Variants in RUFY4 observed in about 807,000 individuals in gnomAD.
RUFY4 encodes the protein RUN and FYVE domain containing 4.
A neutral mutation model predicts 69.0 loss-of-function variants in RUFY4; 73 were observed. The observed-to-expected ratio is 1.06, with a 90% CI of 0.88 to 1.29. RUFY4 has a LOEUF of 1.29. Among genes scored for constraint, RUFY4 ranks in the 50% most tolerant of loss-of-function variants. The pLI, the probability that RUFY4 is intolerant of heterozygous loss-of-function variation, is 0.00. For synonymous variants in RUFY4, 287 were observed against 271.8 expected (o/e 1.06, Z -0.55); for missense variants, 770 against 705.6 (o/e 1.09, Z -1.03).
upstream of RUFY4, among the ~76,000 whole-genome samples, chr2:218,064,906 T>C (rs766224741): frequency 2.0e-5 from 3 of 149,906 alleles, no homozygotes; most frequent in Admixed American, 6.6e-5. Flanking sequence ...GAGCCCAGCC[T>C]TGAAGCACAG....
intron 2 of RUFY4, among the ~76,000 whole-genome samples, chr2:218,043,565 G>A (rs557038105): frequency 1.9e-4 from 29 of 152,212 alleles, no homozygotes; most frequent in African/African-American, 7.0e-4. Flanking sequence ...CCCAGAGAGG[G>A]TAGCTCCTTT....
chr2:218,073,156 T>C (rs957248515), intron 4 of RUFY4, 87 bp from the exon 7 acceptor site: 1 of 1,460,450 alleles, frequency 6.8e-7, no homozygotes, highest in Non-Finnish European at 9.1e-7. Flanking sequence ...GCTGCTTTGT[T>C]GAGGTTGAGC....
At chr2:218,087,290 A>T (rs890159714) in intron 9 of RUFY4, among the ~76,000 whole-genome samples, 2 of 152,108 alleles carry the variant, frequency 1.3e-5, no homozygotes, top group Non-Finnish European at 2.9e-5. Flanking sequence ...ACCTGGTGCA[A>T]CTAAGGAACT....
intron 2 of RUFY4, among the ~76,000 whole-genome samples, chr2:218,047,292 T>C (rs547679817): frequency 2.3e-4 from 35 of 152,270 alleles, no homozygotes; most frequent in African/African-American, 8.2e-4. Flanking sequence ...TTTGCACCAG[T>C]ACATCACCGA....
chr2:218,062,407 A>AAAC (rs1689219418), intron 3 of RUFY4, among the ~76,000 whole-genome samples: 1 of 148,000 alleles, frequency 6.8e-6, no homozygotes, highest in African/African-American at 2.5e-5. Context: ...CTCCGTCTCA[A>AAAC]AAAAAAAAAA....
intron 2 of RUFY4, among the ~76,000 whole-genome samples, chr2:218,042,730 C>T (rs907781589): frequency 1.3e-5 from 2 of 151,898 alleles, no homozygotes; most frequent in African/African-American, 4.8e-5. Flanking sequence ...GCTTGAAGGG[C>T]TCGGGAAAGG....
exon 5 of RUFY4, chr2:218,073,254 G>A: frequency 6.4e-7 from 1 of 1,551,542 alleles, no homozygotes; most frequent in Non-Finnish European, 8.7e-7. Flanking sequence ...GAATGGTATG[G>A]ACCCCGGAGC....
chr2:218,041,328 A>G (rs950408662), intron 2 of RUFY4, among the ~76,000 whole-genome samples: 1 of 152,236 alleles, frequency 6.6e-6, no homozygotes, highest in African/African-American at 2.4e-5. Flanking sequence ...ATAATGTCTA[A>G]CTAGGATTTG....
chr2:218,036,020 AG>A (rs776918724), intron 2 of RUFY4, among the ~76,000 whole-genome samples: 8 of 152,338 alleles, frequency 5.3e-5, no homozygotes, highest in Non-Finnish European at 1.2e-4. Context: ...GTCAGGGCCC[AG>A]AACACAGGCC....
intron 9 of RUFY4, among the ~76,000 whole-genome samples, chr2:218,088,635 C>T (rs1689949451): frequency 6.6e-6 from 1 of 152,160 alleles, no homozygotes; most frequent in South Asian, 2.1e-4. Context: ...GGGAACACTC[C>T]TTTGTGCTTA....
intron 2 of RUFY4, among the ~76,000 whole-genome samples, chr2:218,047,051 A>C (rs960852912): frequency 1.3e-5 from 2 of 151,876 alleles, no homozygotes; most frequent in African/African-American, 4.8e-5. Flanking sequence ...TAAAAAAAAA[A>C]AAAAAAAAAG....
upstream of RUFY4, among the ~76,000 whole-genome samples, chr2:218,066,521 C>CA (rs1325442015): frequency 6.6e-6 from 1 of 152,192 alleles, no homozygotes; most frequent in Non-Finnish European, 1.5e-5. Context: ...ATTTCCAATT[C>CA]ATTTTGTGAT....
At chr2:218,052,956 A>G (rs545408638) in intron 2 of RUFY4, among the ~76,000 whole-genome samples, 1 of 151,844 alleles carries the variant, frequency 6.6e-6, no homozygotes, top group South Asian at 2.1e-4. Context: ...ACTTATTATT[A>G]TTATAGTTAT....
intron 2 of RUFY4, among the ~76,000 whole-genome samples, chr2:218,036,835 A>G (rs1302851577): frequency 6.6e-6 from 1 of 152,206 alleles, no homozygotes; most frequent in African/African-American, 2.4e-5. Context: ...GGCATCAGGT[A>G]TTTTGGTGAA....
At chr2:218,077,420 G>A (rs1299794235) in intron 8 of RUFY4, among the ~76,000 whole-genome samples, 2 of 152,096 alleles carry the variant, frequency 1.3e-5, no homozygotes, top group African/African-American at 4.8e-5. Flanking sequence ...TCACTACATG[G>A]TGCAGACTGG....
At position 218,089,236 on chromosome 2, in the gene RUFY4, T is replaced by A. The variant is rs1239354788; in HGVS notation, c.1503-16T>A. On this transcript the variant is annotated splice_polypyrimidine_tract_variant and intron_variant, in intron 9 of 10. Coordinates refer to ENST00000344321, the Ensembl canonical transcript of RUFY4. The stretch of plus-strand genomic sequence containing the variant: ...CTGTCTCTGTCTGTGTCTCTCCACC[T>A]TCATCCCCCCATCAGAGAGAAGGAC... 1 of 1,600,026 alleles carries A rather than the reference T, an allele frequency of 6.2e-7. No individual in the cohort carries two copies.
chr2:218,060,848 A>G (rs1463517021), intron 3 of RUFY4: 3 of 1,527,728 alleles, frequency 2.0e-6, no homozygotes, highest in Non-Finnish European at 1.8e-6. Context: ...CTGGGCTAAC[A>G]TTGGATGGGT....
chr2:218,056,636 T>C (rs1455791312), intron 2 of RUFY4, among the ~76,000 whole-genome samples: 1 of 152,218 alleles, frequency 6.6e-6, no homozygotes, highest in African/African-American at 2.4e-5. Flanking sequence ...AGTTATCTTG[T>C]CACATACAAC....
chr2:218,069,999 G>C (rs973577637), upstream of RUFY4, among the ~76,000 whole-genome samples: 1 of 152,154 alleles, frequency 6.6e-6, no homozygotes, highest in Non-Finnish European at 1.5e-5. Context: ...CTTTACTTCT[G>C]CACCCTCTCC....
Sources: gnomAD v4.1 joint callset for allele counts (sites outside exome capture counted in the v4.1 genomes callset) on GRCh38, gnomAD v4.1.1 for gene constraint, MANE v1.5 for transcripts, NCBI Gene and HGNC (gene_info 2026-07-23, HGNC 2026-07-21) for gene names.